Variants in WDR70 observed in about 807,000 individuals in gnomAD.
WDR70 encodes WD repeat domain 70.
In WDR70, 53 loss-of-function variants were observed where a neutral mutation model predicts 88.6. That is an observed-to-expected ratio of 0.60 (90% CI 0.48 to 0.75). WDR70 has a LOEUF of 0.75. Among genes scored for constraint, WDR70 ranks in the 30% least tolerant of loss-of-function variants. The probability of loss-of-function intolerance (pLI) is 0.00; values close to 1 mark genes in which losing one functional copy is unlikely to be tolerated. For synonymous variants in WDR70, 280 were observed against 270.0 expected, an observed-to-expected ratio of 1.04 and a Z score of -0.36; for missense variants, 610 against 823.2, an observed-to-expected ratio of 0.74 and a Z score of 3.17.
At chr5:37,736,244 C>T (rs1332372994) in intron 17 of WDR70, among the ~76,000 whole-genome samples, 7 of 152,200 alleles carry the variant, frequency 4.6e-5, no homozygotes, top group Admixed American at 2.0e-4. Context: ...AACCACGTCA[C>T]TTTTCTTGCC....
intron 5 of WDR70, among the ~76,000 whole-genome samples, chr5:37,415,760 G>A (rs1490975981): frequency 4.7e-5 from 7 of 149,892 alleles, no homozygotes; most frequent in African/African-American, 1.7e-4. Context: ...CAGACGGGGC[G>A]GCTGCCGGGC....
Position 37,564,177 on chromosome 5 carries a change from C to T in WDR70, c.918-40887C>T, listed in dbSNP as rs1161761400. ...CACTTTGCGGGGCCAAGGCAGGCAG[C>T]TGGGAGGTGGAGGTTGTAGCGAGCC... On this transcript the variant is annotated intron_variant, in intron 9 of 17. Transcript: ENST00000265107. Among the ~76,000 whole-genome samples, 5 of 151,528 alleles carry T rather than the reference C, an allele frequency of 3.3e-5. No individual in the cohort carries two copies. The East Asian group carries it at 9.8e-4, about 30-fold the overall frequency.
At chr5:37,509,356 G>C (rs1740651842) in intron 8 of WDR70, among the ~76,000 whole-genome samples, 2 of 151,790 alleles carry the variant, frequency 1.3e-5, no homozygotes, top group Admixed American at 6.6e-5. Flanking sequence ...TTATTAGTGT[G>C]GTGTTTAAAT....
chr5:37,720,195 C>T (rs558830399), intron 13 of WDR70, among the ~76,000 whole-genome samples: 6 of 152,248 alleles, frequency 3.9e-5, no homozygotes, highest in Admixed American at 3.3e-4. Context: ...CCCTTTTCCC[C>T]TTTAGTCCCT....
intron 8 of WDR70, among the ~76,000 whole-genome samples, chr5:37,487,627 A>ATATATTTTTTTTTTT (rs1317924512): frequency 1.4e-5 from 1 of 69,070 alleles, no homozygotes; most frequent in African/African-American, 5.0e-5. Flanking sequence ...ATATATATGT[A>ATATATTTTTTTTTTT]TTTTTTTTTT....
chr5:37,748,483 A>G (rs1210040348), intron 17 of WDR70, among the ~76,000 whole-genome samples: 2 of 152,220 alleles, frequency 1.3e-5, no homozygotes, highest in African/African-American at 4.8e-5. Flanking sequence ...TAAAGACTTA[A>G]ATGTAAAATT....
At chr5:37,478,402 C>T (rs1298334338) in intron 7 of WDR70, among the ~76,000 whole-genome samples, 1 of 152,198 alleles carries the variant, frequency 6.6e-6, no homozygotes, top group South Asian at 2.1e-4. Flanking sequence ...GTGGTTGATA[C>T]AGCATCAGAT....
chr5:37,578,465 C>T (rs966722253), intron 9 of WDR70, among the ~76,000 whole-genome samples: 15 of 152,072 alleles, frequency 9.9e-5, no homozygotes, highest in Non-Finnish European at 1.6e-4. Context: ...TCTTTTTGTT[C>T]GGTAGTTGAC....
At chr5:37,562,577 G>A (rs1467754594) in intron 9 of WDR70, among the ~76,000 whole-genome samples, 1 of 152,180 alleles carries the variant, frequency 6.6e-6, no homozygotes, top group African/African-American at 2.4e-5. Flanking sequence ...CTAGGCAGAG[G>A]ACCCTGCGGC....
chr5:37,578,940 A>G (rs973309888), intron 9 of WDR70, among the ~76,000 whole-genome samples: 1 of 152,104 alleles, frequency 6.6e-6, no homozygotes, highest in Non-Finnish European at 1.5e-5. Flanking sequence ...TGAGATTTTA[A>G]TTTTCCTGTG....
chr5:37,577,437 A>T (rs575293685), intron 9 of WDR70, among the ~76,000 whole-genome samples: 191 of 152,260 alleles, frequency 1.3e-3, no homozygotes, highest in Non-Finnish European at 2.0e-3. Flanking sequence ...AGCTGATTAA[A>T]TGCACTCCAG....
rs117269686 is a variant in WDR70 at position 37,591,204 on chromosome 5, G to A, written c.918-13860G>A. Reference sequence around the variant, plus strand: ...AAAAGTTAGCCAGGCATAGTGGCTCGTGCCTGTAATCCCAGCTACTTGGGA... The same window carrying A: ...AAAAGTTAGCCAGGCATAGTGGCTCATGCCTGTAATCCCAGCTACTTGGGA... On this transcript the variant is annotated intron_variant, in intron 9 of 17. Transcript: ENST00000265107. Among the ~76,000 whole-genome samples the A allele has an allele frequency of 3.2e-3, 493 of 151,812 alleles. 3 individuals are homozygous for A. Among genetic ancestry groups the A allele is most frequent in the African/African-American group, 0.011 (447 of 41,458 alleles).
intron 8 of WDR70, chr5:37,505,812 T>C (rs1740542720): frequency 2.9e-6 from 4 of 1,400,542 alleles, no homozygotes; most frequent in Admixed American, 1.7e-5. Context: ...GTTCTCTAAA[T>C]TGGTTCCTGC....
At chr5:37,740,422 C>G (rs1489623336) in intron 17 of WDR70, among the ~76,000 whole-genome samples, 2 of 152,224 alleles carry the variant, frequency 1.3e-5, no homozygotes, top group African/African-American at 4.8e-5. Context: ...TCCTACAAAA[C>G]ACTGGTGTTC....
intron 9 of WDR70, among the ~76,000 whole-genome samples, chr5:37,552,907 A>G (rs1009335442): frequency 6.6e-6 from 1 of 152,212 alleles, no homozygotes; most frequent in Non-Finnish European, 1.5e-5. Context: ...TTGTTTCTTC[A>G]GAGTAACAAG....
At chr5:37,582,056 C>T (rs904805180) in intron 9 of WDR70, among the ~76,000 whole-genome samples, 1 of 151,870 alleles carries the variant, frequency 6.6e-6, no homozygotes, top group Admixed American at 6.6e-5. Flanking sequence ...GGATGTTTGA[C>T]ATTTGATGGT....
intron 17 of WDR70, among the ~76,000 whole-genome samples, chr5:37,744,992 C>T (rs780196337): frequency 2.6e-5 from 4 of 151,864 alleles, no homozygotes; most frequent in Non-Finnish European, 5.9e-5. Context: ...ATTGGATTCT[C>T]CAAGGTCGAA....
chr5:37,453,612 A>G (rs1024588327), intron 7 of WDR70, among the ~76,000 whole-genome samples: 7 of 152,166 alleles, frequency 4.6e-5, no homozygotes, highest in African/African-American at 1.7e-4. Flanking sequence ...TGCTGCAGAG[A>G]TTTGTTTATG....
chr5:37,726,869 T>G lies in WDR70; in HGVS notation c.1715-14T>G. 6.3e-7 allele frequency: 1 copy of G among 1,574,910 alleles called. No homozygotes were observed. Among genetic ancestry groups the G allele is most frequent in the South Asian group, 1.2e-5 (1 of 84,888 alleles). On this transcript the variant is annotated splice_polypyrimidine_tract_variant and intron_variant, in intron 16 of 17. Coordinates refer to ENST00000265107, the MANE Select transcript of WDR70 (RefSeq NM_018034.4). Reference sequence around the variant, plus strand: ...CATTCAGTTTCTAATTTGGTTTTTTTTCTTTTGCAATAGGTCGTGGTGGCC... The same window carrying G: ...CATTCAGTTTCTAATTTGGTTTTTTGTCTTTTGCAATAGGTCGTGGTGGCC...
Sources: gnomAD v4.1 joint callset for allele counts (sites outside exome capture counted in the v4.1 genomes callset) on GRCh38, gnomAD v4.1.1 for gene constraint, MANE v1.5 for transcripts, NCBI Gene and HGNC (gene_info 2026-07-23, HGNC 2026-07-21) for gene names.